The following ANXA10 variants were observed in gnomAD, a reference collection of about 807,000 sequenced individuals.
The protein encoded by ANXA10 is annexin A10, also known as annexin 14.
Under a neutral mutation model 53.5 loss-of-function variants are expected in ANXA10, and 49 were observed. The observed-to-expected ratio is 0.92, with a 90% confidence interval of 0.73 to 1.16. The LOEUF is 1.16. Ranked by LOEUF, ANXA10 falls within the 50% of genes most tolerant of loss-of-function variation. The pLI is 0.00. For synonymous variants in ANXA10, 131 were observed against 128.9 expected (o/e 1.02, Z -0.11); for missense variants, 393 against 394.4 (o/e 1.00, Z 0.03).
chr4:168,135,781 C>T (rs1578908815), intron 2 of ANXA10, among the ~76,000 whole-genome samples: 1 of 152,290 alleles, frequency 6.6e-6, no homozygotes, highest in Non-Finnish European at 1.5e-5. Context: ...TTCTCTATTA[C>T]TCCTCCCTCC....
At chr4:168,096,926 A>ATATATATATATATATGTATG (rs371811709) in intron 1 of ANXA10, among the ~76,000 whole-genome samples, 16 of 129,902 alleles carry the variant, frequency 1.2e-4, no homozygotes, top group Non-Finnish European at 2.3e-4. Flanking sequence ...ATATATATAT[A>ATATATATATATATATGTATG]TATGTATGTA....
intron 3 of ANXA10, among the ~76,000 whole-genome samples, chr4:168,154,019 C>T (rs760112036): frequency 2.0e-5 from 3 of 151,798 alleles, no homozygotes; most frequent in South Asian, 2.1e-4. Flanking sequence ...CACGCGCGCG[C>T]GCGTGCCTCT....
At chr4:168,153,646 G>A (rs1162239605) in intron 3 of ANXA10, among the ~76,000 whole-genome samples, 1 of 151,942 alleles carries the variant, frequency 6.6e-6, no homozygotes, top group African/African-American at 2.4e-5. Context: ...GGTTTTGTGG[G>A]GTTGGAAAGA....
chr4:168,178,477 G>GT (rs1173338974), intron 8 of ANXA10, among the ~76,000 whole-genome samples: 18 of 151,892 alleles, frequency 1.2e-4, no homozygotes, highest in Middle Eastern at 3.4e-3. Flanking sequence ...AAAAAATTTT[G>GT]TTTTTTTCTA....
Position 168,187,400 on chromosome 4 carries a change from T to C in ANXA10, c.941T>C (p.Leu314Pro), listed in dbSNP as rs1306204500. Reference sequence around the variant, plus strand: ...TCAGGGCATTATAAGAAAGCACTGCTTGCCATCTGTGCTGGTGATGCTGAG... The same window carrying C: ...TCAGGGCATTATAAGAAAGCACTGCCTGCCATCTGTGCTGGTGATGCTGAG... ...FASGHYKKAL[L>P]AICAGDAEDY The change falls in exon 12 of 12, where the codon CTT becomes CCT. Residue 314 changes from leucine (L) to proline (P), a missense_variant. By Grantham distance (98) the Leu-to-Pro change is moderately conservative (BLOSUM62 -3). Transcript: ENST00000359299. 1.3e-6 allele frequency: 2 copies of C among 1,599,744 alleles called. No individual in the cohort carries two copies. The highest frequency in any genetic ancestry group is 3.4e-5 in the Admixed American group (2 of 59,546).
rs115581818 is a variant in ANXA10 at position 168,135,472 on chromosome 4, A to G, written c.101-4014A>G. ...TTTTCTAAAATAAATGCTCTAATAA[A>G]AGGGAGGTTAGGAGCCTGTAGTTGG... On this transcript the variant is annotated intron_variant, in intron 2 of 11. Coordinates refer to ENST00000359299, the MANE Select transcript of ANXA10 (RefSeq NM_007193.5). Among the ~76,000 whole-genome samples the G allele has an allele frequency of 5.2e-3, 785 of 152,328 alleles. 7 individuals carry two copies. The highest frequency in any genetic ancestry group is 0.02 in the Middle Eastern group (6 of 294).
chr4:168,186,466 G>A (rs189858242), intron 11 of ANXA10, among the ~76,000 whole-genome samples: 1 of 152,268 alleles, frequency 6.6e-6, no homozygotes, highest in East Asian at 1.9e-4. Context: ...GGTCATGAAC[G>A]TGGAGCCCAT....
chr4:168,175,937 A>G (rs2149480276), intron 6 of ANXA10, among the ~76,000 whole-genome samples: 1 of 152,328 alleles, frequency 6.6e-6, no homozygotes, highest in South Asian at 2.1e-4. Context: ...CAGCCCTAAT[A>G]TTTAATCTAA....
At chr4:168,115,664 A>G (rs1436212220) in intron 1 of ANXA10, among the ~76,000 whole-genome samples, 4 of 152,222 alleles carry the variant, frequency 2.6e-5, no homozygotes, top group Non-Finnish European at 5.9e-5. Context: ...AAGTCTTAAT[A>G]GTATATGTTA....
At chr4:168,127,899 T>A (rs551364191) in intron 1 of ANXA10, 185 bp from the exon 2 acceptor site, 11 of 572,114 alleles carry the variant, frequency 1.9e-5, no homozygotes, top group African/African-American at 1.6e-4. Flanking sequence ...ATTTTTTGTA[T>A]TTTTTGTAGA....
chr4:168,121,890 C>T (rs1422632531), intron 1 of ANXA10, among the ~76,000 whole-genome samples: 2 of 152,066 alleles, frequency 1.3e-5, no homozygotes, highest in African/African-American at 4.8e-5. Context: ...GTCTCCCAGG[C>T]GGGAGTGCAG....
At chr4:168,148,118 T>C (rs1447501204) in intron 3 of ANXA10, among the ~76,000 whole-genome samples, 1 of 152,084 alleles carries the variant, frequency 6.6e-6, no homozygotes, top group African/African-American at 2.4e-5. Flanking sequence ...GTTATTTCTG[T>C]CACAGCCAAG....
Position 168,165,325 on chromosome 4 carries a change from AG to A in ANXA10, c.480+1del. 6.4e-7 allele frequency: 1 copy of A among 1,556,054 alleles called. No homozygotes were observed. The highest frequency in any genetic ancestry group is 8.7e-7 in the Non-Finnish European group (1 of 1,146,102). On this transcript the variant is annotated frameshift_variant and splice_region_variant, in exon 6 of 12. Transcript: ENST00000359299. LOFTEE classifies it high-confidence loss of function. ...HFRDTLMNLV[Q>X]GTREEGYTDP... ...AGAGATACTCTCATGAACTTGGTCCAGGTATGGCATTCCAAAATTTACATTA... is the reference window on the plus strand; with the variant it reads ...AGAGATACTCTCATGAACTTGGTCCAGTATGGCATTCCAAAATTTACATTA...
chr4:168,164,302 C>A lies in ANXA10; in HGVS notation c.400+14C>A, dbSNP rs754115308. The A allele has an allele frequency of 2.6e-6, 4 of 1,564,562 alleles. No individual in the cohort carries two copies. The highest frequency in any genetic ancestry group is 3.4e-5 in the Admixed American group (2 of 59,324). ...CCTACTGCTTGCGTAAGGAAATATA[C>A]ATATGTGAATATATTTTACACATAT... On this transcript the variant is annotated intron_variant, in intron 5 of 11. Transcript: ENST00000359299.
intron 3 of ANXA10, among the ~76,000 whole-genome samples, chr4:168,147,788 C>T (rs1731429138): frequency 6.6e-6 from 1 of 152,194 alleles, no homozygotes; most frequent in Admixed American, 6.5e-5. Flanking sequence ...AGTCCTCCTG[C>T]TCCACAAAGG....
At position 168,155,496 on chromosome 4, in the gene ANXA10, T is replaced by TAATTATA. The variant is rs1731600041; in HGVS notation, c.196-7031_196-7025dup. 1.3e-3 allele frequency among the ~76,000 whole-genome samples: 25 copies of TAATTATA among 18,720 alleles called. 1 individual carries two copies. The highest frequency in any genetic ancestry group is 8.5e-3 in the African/African-American group (23 of 2,714). The allele number at this position is 18,720 out of a possible 152,430, so 12.3% of individuals were successfully genotyped here. On this transcript the variant is annotated intron_variant, in intron 3 of 11. Transcript: ENST00000359299. ...TATAAATTATATATTATATAATATATAATTATATATTATAAAATATATAAT... is the reference window on the plus strand; with the variant it reads ...TATAAATTATATATTATATAATATATAATTATAAATTATATATTATAAAATATATAAT...
chr4:168,131,974 C>T (rs983595358), intron 2 of ANXA10, among the ~76,000 whole-genome samples: 3 of 151,988 alleles, frequency 2.0e-5, no homozygotes, highest in African/African-American at 7.2e-5. Flanking sequence ...CAGACAATAA[C>T]AAATGTTGGC....
chr4:168,175,720 G>A (rs543003196), intron 6 of ANXA10, among the ~76,000 whole-genome samples: 4 of 152,270 alleles, frequency 2.6e-5, no homozygotes, highest in African/African-American at 7.2e-5. Context: ...TTAAGCAAAG[G>A]AAATTGAGCA....
intron 7 of ANXA10, 40 bp from the exon 8 acceptor site, chr4:168,177,850 A>G: frequency 6.2e-7 from 1 of 1,613,986 alleles, no homozygotes. Flanking sequence ...AATGGGCTGG[A>G]GTGGTTCTGA....
Sources: allele counts gnomAD v4.1 joint callset (sites outside exome capture counted in the v4.1 genomes callset), GRCh38; gene constraint gnomAD v4.1.1; transcripts MANE v1.5; gene names NCBI Gene and HGNC (gene_info 2026-07-23, HGNC 2026-07-21).